The following FBXO17 variants were observed in gnomAD, a reference collection of about 807,000 sequenced individuals.
The protein encoded by FBXO17 is F-box only protein 17.
A neutral mutation model predicts 34.1 loss-of-function variants in FBXO17; 43 were observed. The observed-to-expected ratio is 1.26, with a 90% confidence interval of 0.99 to 1.62. The LOEUF is 1.62. Ranked by LOEUF, FBXO17 falls within the 40% of genes most tolerant of loss-of-function variation. The pLI is 0.00. For missense variants in FBXO17, 424 were observed against 386.7 expected (o/e 1.10, Z -0.81); for synonymous variants, 169 against 166.0 (o/e 1.02, Z -0.14).
Position 38,942,260 on chromosome 19 carries a change from C to CTTTTTT in FBXO17, c.*342_*347dup, listed in dbSNP as rs35798218. On this transcript the variant is annotated 3_prime_UTR_variant, in exon 6 of 6. Transcript: ENST00000292852. ...TCTGGCTTCTGGCTGCAAAGCTGGT[C>CTTTTTT]TTTTTTTTTTTTTTTTTCATTGATA... is the stretch of plus-strand genomic sequence containing the variant. The CTTTTTT allele has an allele frequency of 7.6e-6, 1 of 131,906 alleles. No individual in the cohort carries two copies. Among genetic ancestry groups the CTTTTTT allele is most frequent in the African/African-American group, 2.9e-5 (1 of 34,120 alleles). The allele number at this position is 131,906 out of a possible 1,614,324, so 8.2% of individuals were successfully genotyped here.
At chr19:38,967,404 C>T (rs1484625918) in intron 1 of FBXO17, among the ~76,000 whole-genome samples, 1 of 151,990 alleles carries the variant, frequency 6.6e-6, no homozygotes, top group Non-Finnish European at 1.5e-5. Context: ...CACGCCATCG[C>T]ACTCCAGCCT....
At chr19:38,966,442 C>T (rs900713138) in intron 1 of FBXO17, among the ~76,000 whole-genome samples, 1 of 151,982 alleles carries the variant, frequency 6.6e-6, no homozygotes, top group African/African-American at 2.4e-5. Flanking sequence ...CTGGCCTCAA[C>T]ATTCTTAATT....
At chr19:38,957,199 G>A (rs1320641420) in intron 1 of FBXO17, among the ~76,000 whole-genome samples, 1 of 152,032 alleles carries the variant, frequency 6.6e-6, no homozygotes, top group Non-Finnish European at 1.5e-5. Flanking sequence ...TTCAGCCTGG[G>A]TGACAGAGCG....
At chr19:38,970,529 G>A (rs1479803974) in intron 1 of FBXO17, among the ~76,000 whole-genome samples, 3 of 152,080 alleles carry the variant, frequency 2.0e-5, no homozygotes, top group Non-Finnish European at 4.4e-5. Context: ...CGTGTGTGAG[G>A]ATGTCCCCTC....
In FBXO17 at chr19:38,941,771, G is replaced by A. The variant is rs1300023835; in HGVS notation, c.*837C>T. ...ATCACAAACATGTCACAGTGCTGCA[G>A]ATATTTTGTTTATGGCCAGTTTTGG... On this transcript the variant is annotated 3_prime_UTR_variant, in exon 6 of 6. Coordinates refer to ENST00000292852, the MANE Select transcript of FBXO17 (RefSeq NM_024907.7). 1 of 152,204 alleles carries A rather than the reference G, an allele frequency of 6.6e-6. No homozygotes were observed. Among genetic ancestry groups the A allele is most frequent in the Non-Finnish European group, 1.5e-5 (1 of 68,050 alleles). The allele number at this position is 152,204 out of a possible 1,614,324, so 9.4% of individuals were successfully genotyped here.
Position 38,942,743 on chromosome 19 carries a change from G to A in FBXO17, c.702C>T (p.His234=), listed in dbSNP as rs765858456. Residue 234 remains histidine, a synonymous_variant, in exon 6 of 6, where the codon CAC becomes CAT. Coordinates refer to ENST00000292852, the MANE Select transcript of FBXO17 (RefSeq NM_024907.7). Reference sequence around the variant, plus strand: ...TGCCCTTGCCAAAGTTGGTGAAGACGTGGGAGACCTGCAGGGGGAAGGGGA... The same window carrying A: ...TGCCCTTGCCAAAGTTGGTGAAGACATGGGAGACCTGCAGGGGGAAGGGGA... ...WTERGCRQVS[H]VFTNFGKGIR... 9.3e-6 allele frequency: 15 copies of A among 1,605,502 alleles called. No individual in the cohort carries two copies. Among genetic ancestry groups the A allele is most frequent in the Middle Eastern group, 1.7e-4 (1 of 6,054 alleles).
At position 38,975,641 on chromosome 19, in the gene FBXO17, T is replaced by C. The variant is rs1306009536; in HGVS notation, c.-73A>G. The C allele has an allele frequency of 6.6e-6, 1 of 152,222 alleles. No individual in the cohort carries two copies. Among genetic ancestry groups the C allele is most frequent in the Non-Finnish European group, 1.5e-5 (1 of 68,186 alleles). 9.4% of individuals were successfully genotyped at this position (152,222 alleles called of 1,614,324 possible). On this transcript the variant is annotated 5_prime_UTR_variant, in exon 1 of 6. Coordinates refer to ENST00000292852, the MANE Select transcript of FBXO17 (RefSeq NM_024907.7). This position sits in a 1 kb window ranked among gnomAD's most constrained non-coding sequence, Gnocchi z 4.9. The stretch of plus-strand genomic sequence containing the variant: ...GGCTAAGCTTCCCTTTCCCACTTTG[T>C]TCTGGGAGGCAGTCGAGGGGCTCCC...
At chr19:38,942,834 GA>G in intron 5 of FBXO17, 83 bp from the exon 6 acceptor site, 1 of 1,510,138 alleles carries the variant, frequency 6.6e-7, no homozygotes, top group South Asian at 1.3e-5. Context: ...CCAAAGGACT[GA>G]GGAGGTGCCA....
At chr19:38,969,588 CTTTTTTTTTTTTTTT>C (rs67681512) in intron 1 of FBXO17, among the ~76,000 whole-genome samples, 22 of 103,550 alleles carry the variant, frequency 2.1e-4, no homozygotes, top group South Asian at 5.4e-4. Flanking sequence ...AACCACTGGG[CTTTTTTTTTTTTTTT>C]TTTTTTTTTT....
At chr19:38,969,266 T>G (rs1975359233) in intron 1 of FBXO17, among the ~76,000 whole-genome samples, 1 of 151,672 alleles carries the variant, frequency 6.6e-6, no homozygotes, top group South Asian at 2.1e-4. Flanking sequence ...CTGGGCAACA[T>G]AGTGAGACCC....
At chr19:38,964,598 C>T (rs1975295775) in intron 1 of FBXO17, among the ~76,000 whole-genome samples, 1 of 151,948 alleles carries the variant, frequency 6.6e-6, no homozygotes, top group African/African-American at 2.4e-5. Flanking sequence ...GCAAGACCTC[C>T]ATCTCTACAA....
chr19:38,942,492 G>C lies in FBXO17; in HGVS notation c.*116C>G, dbSNP rs75826607. The stretch of plus-strand genomic sequence containing the variant: ...GCCCAGGCTGGTCTTGAACTCCCGA[G>C]CTCCAGTGATCCTCCCACCTCGGCC... On this transcript the variant is annotated 3_prime_UTR_variant, in exon 6 of 6. Coordinates refer to ENST00000292852, the MANE Select transcript of FBXO17 (RefSeq NM_024907.7). The C allele has an allele frequency of 5.8e-3, 6,575 of 1,141,712 alleles. 293 individuals carry two copies. In the African/African-American group the frequency reaches 0.098, roughly 17 times the overall value. 70.7% of individuals were successfully genotyped at this position (1,141,712 alleles called of 1,614,324 possible). A position where few individuals can be genotyped will look rare whatever the true frequency, so the allele number is the denominator to read the frequency against.
At chr19:38,964,374 C>T (rs1163526744) in intron 1 of FBXO17, among the ~76,000 whole-genome samples, 1 of 152,140 alleles carries the variant, frequency 6.6e-6, no homozygotes, top group Non-Finnish European at 1.5e-5. Flanking sequence ...CTCACCCTGT[C>T]ACCCAGGCTG....
At chr19:38,969,135 T>G (rs1449958184) in intron 1 of FBXO17, among the ~76,000 whole-genome samples, 2 of 152,100 alleles carry the variant, frequency 1.3e-5, no homozygotes, top group African/African-American at 4.8e-5. Context: ...ACTGTAGATG[T>G]TTCCACCTTG....
Position 38,950,124 on chromosome 19 carries a change from C to A in FBXO17, c.196G>T (p.Asp66Tyr). The A allele has an allele frequency of 6.4e-7, 1 of 1,560,616 alleles. No homozygotes were observed. Among genetic ancestry groups the A allele is most frequent in the Non-Finnish European group, 8.6e-7 (1 of 1,156,676 alleles). The change falls in exon 2 of 6, where the codon GAC becomes TAC. Residue 66 changes from aspartate to tyrosine, a missense_variant. Asp to Tyr is a radical substitution (Grantham distance 160, BLOSUM62 -3). Transcript: ENST00000292852. ...PTVWLLQLAR[D>Y]RSAEGRALYA... ...AGTGCGCGGCCCTCGGCGCTGCGGT[C>A]GCGGGCCAGCTGCAGCAGCCACACA...
chr19:38,969,521 A>T (rs1191409627), intron 1 of FBXO17, among the ~76,000 whole-genome samples: 1 of 151,190 alleles, frequency 6.6e-6, no homozygotes, highest in Non-Finnish European at 1.5e-5. Context: ...CACTAAAAAT[A>T]CTATCAAAGA....
intron 4 of FBXO17, 99 bp downstream of exon 4, chr19:38,946,373 C>T (rs534963898): frequency 8.0e-5 from 125 of 1,559,210 alleles, no homozygotes; most frequent in Admixed American, 3.7e-4. Context: ...CAGTGACAGC[C>T]GCTACCCGTG....
intron 4 of FBXO17, chr19:38,945,831 T>TC (rs1250682083): frequency 6.2e-6 from 1 of 162,454 alleles, no homozygotes; most frequent in Non-Finnish European, 1.3e-5. Context: ...GCCTGGGTGG[T>TC]CCTGGGGGAG....
intron 1 of FBXO17, among the ~76,000 whole-genome samples, chr19:38,966,697 A>G (rs1240611854): frequency 6.6e-6 from 1 of 152,208 alleles, no homozygotes; most frequent in East Asian, 1.9e-4. Context: ...GGAAAAACAT[A>G]AAACTGTATC....
Sources: allele counts gnomAD v4.1 joint callset (sites outside exome capture counted in the v4.1 genomes callset), GRCh38; gene constraint gnomAD v4.1.1; non-coding constraint Gnocchi (gnomAD v3.1); transcripts MANE v1.5; gene names NCBI Gene and HGNC (gene_info 2026-07-23, HGNC 2026-07-21).